The following ENOSF1 variants were observed in gnomAD, a reference collection of about 807,000 sequenced individuals.
ENOSF1 encodes the protein enolase superfamily member 1.
A neutral mutation model predicts 68.2 loss-of-function variants in ENOSF1; 73 were observed. That is an observed-to-expected ratio of 1.07 (90% CI 0.89 to 1.30). The LOEUF is 1.30. Among genes scored for constraint, ENOSF1 ranks in the 50% most tolerant of loss-of-function variants. The pLI is 0.00. For missense variants in ENOSF1, 589 were observed against 554.5 expected (o/e 1.06, Z -0.62); for synonymous variants, 223 against 210.4 (o/e 1.06, Z -0.52).
chr18:694,675 C>G (rs1240912094), intron 3 of ENOSF1, among the ~76,000 whole-genome samples: 1 of 151,504 alleles, frequency 6.6e-6, no homozygotes, highest in Non-Finnish European at 1.5e-5. Flanking sequence ...GGTCTTCCGT[C>G]CAGGGACACA....
intron 3 of ENOSF1, 69 bp from the exon 4 acceptor site, chr18:694,403 G>A (rs2077510480): frequency 2.1e-6 from 3 of 1,442,138 alleles, no homozygotes; most frequent in Admixed American, 1.9e-5. Context: ...GATGGCTCAT[G>A]CCTGTAAACC....
At chr18:697,439 T>C (rs2077858443) in intron 2 of ENOSF1, 84 bp from the exon 3 acceptor site, 6 of 1,079,698 alleles carry the variant, frequency 5.6e-6, no homozygotes, top group African/African-American at 4.7e-5. Flanking sequence ...AACAAACAAA[T>C]GTGAAAGTTT....
chr18:699,670 G>A (rs929453586), intron 2 of ENOSF1, among the ~76,000 whole-genome samples: 1 of 152,184 alleles, frequency 6.6e-6, no homozygotes, highest in Non-Finnish European at 1.5e-5. Flanking sequence ...AAAACGTTTT[G>A]ATTAATTTGT....
chr18:667,145 ATGGT>A (rs1479653556), downstream of ENOSF1, among the ~76,000 whole-genome samples: 16 of 97,324 alleles, frequency 1.6e-4, no homozygotes, highest in Admixed American at 2.8e-4. Flanking sequence ...GGTGATGGTG[ATGGT>A]GATGGTGATG....
intron 1 of ENOSF1, among the ~76,000 whole-genome samples, chr18:708,021 AG>A (rs1598823718): frequency 8.7e-6 from 1 of 114,472 alleles, no homozygotes; most frequent in African/African-American, 3.2e-5. Flanking sequence ...CACTATGACC[AG>A]CTTTTTTTTT....
At chr18:691,956 CTA>C (rs1268920619) in intron 5 of ENOSF1, 2 of 152,424 alleles carry the variant, frequency 1.3e-5, no homozygotes, top group Non-Finnish European at 2.9e-5. Context: ...CCACGGTGAG[CTA>C]TGAGGCTGGA....
At chr18:693,560 TCC>T (rs2077418184) in intron 5 of ENOSF1, 2 of 985,318 alleles carry the variant, frequency 2.0e-6, no homozygotes, top group Non-Finnish European at 2.4e-6. Context: ...TTTGTGAGGT[TCC>T]TAGAGAAGTT....
intron 9 of ENOSF1, 135 bp downstream of exon 9, chr18:688,439 C>T (rs776419081): frequency 6.4e-6 from 7 of 1,096,146 alleles, no homozygotes; most frequent in African/African-American, 3.1e-5. Flanking sequence ...GGAAACTTCT[C>T]TTATGCATCC....
intron 7 of ENOSF1, 181 bp downstream of exon 7, chr18:690,887 A>G: frequency 1.6e-6 from 2 of 1,246,690 alleles, no homozygotes; most frequent in Non-Finnish European, 2.2e-6. Context: ...TGGCTGAAGC[A>G]AACTCTGCAG....
At chr18:699,932 T>C (rs2078145603) in intron 2 of ENOSF1, among the ~76,000 whole-genome samples, 1 of 152,128 alleles carries the variant, frequency 6.6e-6, no homozygotes, top group Admixed American at 6.5e-5. Context: ...ATACAAAAAT[T>C]AGCTGGGCAT....
chr18:696,354 G>C (rs1283594345), intron 3 of ENOSF1, among the ~76,000 whole-genome samples: 1 of 151,908 alleles, frequency 6.6e-6, no homozygotes, highest in Non-Finnish European at 1.5e-5. Context: ...TGGGACTATA[G>C]GCGCCCGCCA....
At chr18:709,492 C>G (rs958266443) in intron 1 of ENOSF1, among the ~76,000 whole-genome samples, 4 of 152,130 alleles carry the variant, frequency 2.6e-5, no homozygotes, top group African/African-American at 9.6e-5. Flanking sequence ...AGGAGGTAAG[C>G]CCGGAGTAGT....
At position 674,306 on chromosome 18, in the gene ENOSF1, T is replaced by G. The variant is rs764198324; in HGVS notation, c.1331A>C (p.Ter444SerextTer21). ...WKKLLPAQEN[*>S] ...AAAAAAGTTGTTGGGGCTGAGCACTTAATTTTCTTGAGCAGGAAGGAGTTT... is the reference window on the plus strand; with the variant it reads ...AAAAAAGTTGTTGGGGCTGAGCACTGAATTTTCTTGAGCAGGAAGGAGTTT... The change falls in exon 16 of 16, where the codon TAA (stop) becomes TCA (serine). Residue 444 changes from the stop codon to serine, a stop_lost. Coordinates refer to ENST00000647584, the MANE Select transcript of ENOSF1 (RefSeq NM_017512.7). The G allele has an allele frequency of 6.2e-7, 1 of 1,605,508 alleles. No homozygotes were observed. Among genetic ancestry groups the G allele is most frequent in the Non-Finnish European group, 8.5e-7 (1 of 1,175,580 alleles).
At chr18:684,524 A>G (rs2076434142) in intron 10 of ENOSF1, among the ~76,000 whole-genome samples, 1 of 152,004 alleles carries the variant, frequency 6.6e-6, no homozygotes, top group Non-Finnish European at 1.5e-5. Context: ...GTGAGACCCT[A>G]TCTCAAAAAA....
Position 683,338 on chromosome 18 carries a change from C to T in ENOSF1, c.784G>A (p.Glu262Lys), listed in dbSNP as rs772481759. 17 of 1,614,070 alleles carry T rather than the reference C, an allele frequency of 1.1e-5. No individual in the cohort carries two copies. In the South Asian group the frequency reaches 1.8e-4, roughly 17 times the overall value. Residue 262 changes from glutamate (E) to lysine (K), a missense_variant, in exon 11 of 16, where the codon GAG (glutamate) becomes AAG (lysine). Transcript: ENST00000647584. ...NQRWDVPEAV[E>K]WMSKLAKFKP... ...AACTTGGCCAGCTTGGACATCCACT[C>T]CACCGCCTCAGGCACATCCCAGCGC...
chr18:701,547 G>T, intron 2 of ENOSF1, among the ~76,000 whole-genome samples: 1 of 152,030 alleles, frequency 6.6e-6, no homozygotes, highest in Non-Finnish European at 1.5e-5. Flanking sequence ...CTGAGGTCAG[G>T]AGTTCGAGAC....
intron 8 of ENOSF1, among the ~76,000 whole-genome samples, chr18:690,253 C>G (rs1003879868): frequency 3.3e-5 from 5 of 150,972 alleles, no homozygotes; most frequent in East Asian, 1.9e-4. Context: ...GTCAGAAGCA[C>G]AGGTGACAAC....
intron 3 of ENOSF1, among the ~76,000 whole-genome samples, chr18:696,456 C>G (rs2077744845): frequency 6.6e-6 from 1 of 152,032 alleles, no homozygotes; most frequent in African/African-American, 2.4e-5. Context: ...CGTGATCTGC[C>G]TGCCTTGGCC....
chr18:672,617 G>C lies in ENOSF1; in HGVS notation c.*1688C>G, dbSNP rs557336009. On this transcript the variant is annotated 3_prime_UTR_variant, in exon 16 of 16. Coordinates refer to ENST00000647584, the MANE Select transcript of ENOSF1 (RefSeq NM_017512.7). ...GTGGTTATAAGAACTTACACCTGAT[G>C]AGGCACCAGGCTCCTGATGCTGTGT... 4.4e-5 allele frequency: 15 copies of C among 339,064 alleles called. 1 individual carries two copies. The East Asian group carries it at 6.0e-4, about 14-fold the overall frequency. The allele number at this position is 339,064 out of a possible 1,614,324, so 21.0% of individuals were successfully genotyped here.
Sources: allele counts gnomAD v4.1 joint callset (sites outside exome capture counted in the v4.1 genomes callset), GRCh38; gene constraint gnomAD v4.1.1; transcripts MANE v1.5; gene names NCBI Gene and HGNC (gene_info 2026-07-23, HGNC 2026-07-21).